Variants in VWA8 observed in about 807,000 individuals in gnomAD.
The protein encoded by VWA8 is von Willebrand factor A domain containing 8.
VWA8 carries 221 observed loss-of-function variants against 241.5 expected under a neutral mutation model. The observed-to-expected ratio is 0.91, with a 90% CI of 0.82 to 1.02. The LOEUF (loss-of-function observed/expected upper bound fraction) is 1.02. Among genes scored for constraint, VWA8 ranks in the 50% least tolerant of loss-of-function variants. The pLI is 0.00. For synonymous variants in VWA8, 852 were observed against 827.1 expected (o/e 1.03, Z -0.52); for missense variants, 2,322 against 2,328.7 (o/e 1.00, Z 0.06).
chr13:41,912,007 C>A, intron 3 of VWA8, 31 bp downstream of exon 3: 1 of 1,513,036 alleles, frequency 6.6e-7, no homozygotes, highest in Non-Finnish European at 8.9e-7. Context: ...AAGTTAAGAC[C>A]CTTAGAAATT....
chr13:41,672,082 A>G (rs2045029552), intron 36 of VWA8, among the ~76,000 whole-genome samples: 1 of 152,184 alleles, frequency 6.6e-6, no homozygotes, highest in Non-Finnish European at 1.5e-5. Context: ...ATACCAGTTC[A>G]TACCTCACAC....
intron 2 of VWA8, among the ~76,000 whole-genome samples, chr13:41,912,470 C>T (rs1876058153): frequency 6.6e-6 from 1 of 151,950 alleles, no homozygotes; most frequent in Non-Finnish European, 1.5e-5. Flanking sequence ...GAAAGCTTTC[C>T]ATAACATTTG....
chr13:41,898,141 A>C (rs1875218928), intron 4 of VWA8, among the ~76,000 whole-genome samples: 1 of 151,418 alleles, frequency 6.6e-6, no homozygotes, highest in East Asian at 1.9e-4. Flanking sequence ...ACAAACCTTG[A>C]GGTAGATACT....
intron 10 of VWA8, among the ~76,000 whole-genome samples, chr13:41,867,126 C>T (rs1466760728): frequency 3.9e-5 from 6 of 152,120 alleles, no homozygotes; most frequent in Non-Finnish European, 1.5e-5. Flanking sequence ...AAGCCATTAC[C>T]AAAGGGAAGC....
intron 9 of VWA8, among the ~76,000 whole-genome samples, chr13:41,881,179 C>T (rs776439757): frequency 6.6e-6 from 1 of 151,958 alleles, no homozygotes; most frequent in South Asian, 2.1e-4. Context: ...GCCACTTCAA[C>T]CTGGGAACTC....
rs115956580 is a variant in VWA8, at chr13:41,811,964, C to T, written c.1948-624G>A. Among the ~76,000 whole-genome samples, 500 of 152,228 alleles carry T rather than the reference C, an allele frequency of 3.3e-3. 3 individuals carry two copies. Among genetic ancestry groups the T allele is most frequent in the African/African-American group, 0.011 (471 of 41,544 alleles). On this transcript the variant is annotated intron_variant, in intron 16 of 44. Transcript: ENST00000379310. ...TACTCAATAAATATTTGTTGAAATT[C>T]TTTTGGCAGGCAGCATAACATAATG...
chr13:41,903,076 A>T (rs1329105941), intron 4 of VWA8, among the ~76,000 whole-genome samples: 1 of 152,214 alleles, frequency 6.6e-6, no homozygotes, highest in Non-Finnish European at 1.5e-5. Flanking sequence ...ATAAAAAGGA[A>T]TTTTTAAATA....
intron 37 of VWA8, among the ~76,000 whole-genome samples, chr13:41,646,070 G>A (rs1199735639): frequency 6.6e-6 from 1 of 151,648 alleles, no homozygotes; most frequent in African/African-American, 2.4e-5. Flanking sequence ...GGGTTCAAGC[G>A]ATTCTTCTGC....
In VWA8 at chr13:41,812,099, T is replaced by A. The variant is rs542956741; in HGVS notation, c.1948-759A>T. Among the ~76,000 whole-genome samples the A allele has an allele frequency of 8.3e-4, 127 of 152,248 alleles. 1 individual carries two copies. Among genetic ancestry groups the A allele is most frequent in the Non-Finnish European group, 1.5e-3 (105 of 67,996 alleles). ...AGGCTCAGTTCCCTCAACTTTAAAA[T>A]GGCAATAGTAATGCCCTCACCTTTA... is the stretch of plus-strand genomic sequence containing the variant. On this transcript the variant is annotated intron_variant, in intron 16 of 44. Transcript: ENST00000379310.
At chr13:41,758,408 A>ACGCTAG (rs2045712695) in intron 21 of VWA8, among the ~76,000 whole-genome samples, 2 of 76,346 alleles carry the variant, frequency 2.6e-5, no homozygotes, top group African/African-American at 9.4e-5. Flanking sequence ...GTATATATAT[A>ACGCTAG]TATATATATA....
chr13:41,665,011 A>G (rs1459453740), intron 37 of VWA8, among the ~76,000 whole-genome samples: 5 of 152,180 alleles, frequency 3.3e-5, no homozygotes, highest in Non-Finnish European at 5.9e-5. Flanking sequence ...TTAGGCAAAG[A>G]CCATTTTTAC....
chr13:41,673,067 T>C (rs1226236574), intron 36 of VWA8, among the ~76,000 whole-genome samples: 7 of 152,188 alleles, frequency 4.6e-5, no homozygotes, highest in Non-Finnish European at 1.0e-4. Flanking sequence ...GCACACTAGG[T>C]CTAAAATCTT....
Position 41,819,323 on chromosome 13 carries a change from T to G in VWA8, c.1764A>C (p.Gly588=). Residue 588 remains glycine (G), a synonymous_variant, in exon 15 of 45, where the codon GGA becomes GGC. Transcript: ENST00000379310. ...GTCCCAGCCACTGGTGTGCTGTGCT[T>G]CCAATAACAGGGGGTTCTGCCAAGG... ...IIALAEPPVI[G]STAHQWLGPE... The G allele has an allele frequency of 6.2e-7, 1 of 1,613,244 alleles. No homozygotes were observed. Among genetic ancestry groups the G allele is most frequent in the Non-Finnish European group, 8.5e-7 (1 of 1,179,808 alleles).
chr13:41,700,503 A>G (rs2045242748), intron 28 of VWA8, among the ~76,000 whole-genome samples: 1 of 152,112 alleles, frequency 6.6e-6, no homozygotes, highest in Non-Finnish European at 1.5e-5. Context: ...ATCAACACAA[A>G]TAAGTTCTAT....
intron 2 of VWA8, among the ~76,000 whole-genome samples, chr13:41,930,455 A>C (rs1877051838): frequency 6.6e-6 from 1 of 152,242 alleles, no homozygotes; most frequent in Non-Finnish European, 1.5e-5. Flanking sequence ...AAAGATACGG[A>C]AACAACCAAA....
chr13:41,907,494 CT>C, intron 4 of VWA8, 91 bp downstream of exon 4: 1 of 1,069,334 alleles, frequency 9.4e-7, no homozygotes, highest in Non-Finnish European at 1.4e-6. Flanking sequence ...CTACCTTTTA[CT>C]GTTATATGAG....
At position 41,914,063 on chromosome 13, in the gene VWA8, G is replaced by A. The variant is rs117590176; in HGVS notation, c.242-1895C>T. Among the ~76,000 whole-genome samples, 66 of 152,300 alleles carry A rather than the reference G, an allele frequency of 4.3e-4. 2 individuals carry two copies. The East Asian group carries it at 6.4e-3, about 15-fold the overall frequency. On this transcript the variant is annotated intron_variant, in intron 2 of 44. Coordinates refer to ENST00000379310, the MANE Select transcript of VWA8 (RefSeq NM_015058.2). ...TCAAGACCAGCCTGGCCCACATGGC[G>A]AAGCCTGTAGTCCCAGCTACTCAGG...
chr13:41,745,193 G>A (rs145118703), intron 21 of VWA8, among the ~76,000 whole-genome samples: 24,668 of 151,874 alleles, frequency 0.16, 2,129 homozygotes, highest in Non-Finnish European at 0.2. Context: ...ACAATGTGCA[G>A]GTTTGTTACA....
chr13:41,597,051 A>G (rs990566662), intron 40 of VWA8, among the ~76,000 whole-genome samples: 1 of 152,140 alleles, frequency 6.6e-6, no homozygotes, highest in Non-Finnish European at 1.5e-5. Flanking sequence ...AATGAAGAGA[A>G]TAAAAAGACT....
Sources: allele counts gnomAD v4.1 joint callset (sites outside exome capture counted in the v4.1 genomes callset), GRCh38; gene constraint gnomAD v4.1.1; transcripts MANE v1.5; gene names NCBI Gene and HGNC (gene_info 2026-07-23, HGNC 2026-07-21).